RNF166: variants seen among roughly 807,000 people sequenced by gnomAD.
RNF166 encodes E3 ubiquitin-protein ligase RNF166.
In RNF166, 19 loss-of-function variants were observed where a neutral mutation model predicts 29.4. The ratio of observed to expected loss-of-function variants is 0.65; its 90% CI spans 0.45 to 0.95. RNF166 has a LOEUF of 0.95. Among genes scored for constraint, RNF166 ranks in the 40% least tolerant of loss-of-function variants. The pLI, the probability that RNF166 is intolerant of heterozygous loss-of-function variation, is 0.00. For missense variants in RNF166, 347 were observed against 322.1 expected (o/e 1.08, Z -0.59); for synonymous variants, 171 against 134.5 (o/e 1.27, Z -1.88).
intron 1 of RNF166, chr16:88,703,539 C>T: frequency 3.0e-6 from 3 of 985,412 alleles, no homozygotes; most frequent in Non-Finnish European, 3.6e-6. Context: ...CAGAACGAGG[C>T]ACCCACAGGG....
chr16:88,698,069 T>C, intron 5 of RNF166: 2 of 537,078 alleles, frequency 3.7e-6, no homozygotes, highest in Non-Finnish European at 6.6e-6. Flanking sequence ...GCACCAGGAG[T>C]GAGGAGTTTG....
intron 1 of RNF166, chr16:88,704,235 C>A (rs1910546124): frequency 3.0e-6 from 3 of 985,412 alleles, no homozygotes; most frequent in Non-Finnish European, 2.4e-6. Flanking sequence ...TGCATGCATG[C>A]CTTAGCAACA....
At chr16:88,702,547 G>C (rs1910356517) in intron 1 of RNF166, among the ~76,000 whole-genome samples, 1 of 152,192 alleles carries the variant, frequency 6.6e-6, no homozygotes, top group African/African-American at 2.4e-5. Flanking sequence ...TTTCTGCAAG[G>C]AGGAAGTCTG....
At chr16:88,702,153 C>CCCTCCTGCTGCTATTTACAACCG (rs151144464) in intron 1 of RNF166, among the ~76,000 whole-genome samples, 1 of 151,954 alleles carries the variant, frequency 6.6e-6, no homozygotes, top group Non-Finnish European at 1.5e-5. Context: ...GGCTCGCACA[C>CCCTCCTGCTGCTATTTACAACCG]CCTCCCGCTC....
intron 1 of RNF166, among the ~76,000 whole-genome samples, chr16:88,705,355 GCT>G (rs966853440): frequency 1.2e-4 from 19 of 152,170 alleles, no homozygotes; most frequent in South Asian, 1.2e-3. Flanking sequence ...AAGCCCTCCT[GCT>G]CTCTCTCTCC....
intron 5 of RNF166, chr16:88,698,014 T>C (rs1597400956): frequency 4.1e-6 from 2 of 493,758 alleles, no homozygotes; most frequent in African/African-American, 1.9e-5. Context: ...TCGCCAGGAC[T>C]GTTAGCCAGG....
chr16:88,699,025 C>A lies in RNF166; in HGVS notation c.486G>T (p.Gln162His). 6.2e-7 allele frequency: 1 copy of A among 1,610,348 alleles called. No individual in the cohort carries two copies. The change falls in exon 4 of 6, where the codon CAG becomes CAT. Residue 162 changes from glutamine (Q) to histidine (H), a missense_variant. Gln to His is a conservative substitution (Grantham distance 24, BLOSUM62 0). Coordinates refer to ENST00000312838, the MANE Select transcript of RNF166 (RefSeq NM_178841.4). ...CCACACAGTGCTTCACCAGCTCCTG[C>A]TGGTCCAGGTTGCGGGCACCACAGT... is the stretch of plus-strand genomic sequence containing the variant. ...CPYCGARNLD[Q>H]QELVKHCVES...
chr16:88,703,676 G>A, intron 1 of RNF166: 6 of 985,532 alleles, frequency 6.1e-6, no homozygotes, highest in Non-Finnish European at 7.2e-6. Flanking sequence ...CTGGTGCTGA[G>A]CAGCTTCTCA....
At chr16:88,703,091 C>T (rs35399727) in intron 1 of RNF166, 66,370 of 984,540 alleles carry the variant, frequency 0.067, 2,315 homozygotes, top group Admixed American at 0.07. Context: ...CAGTGCAGGG[C>T]AGACAGCAAG....
Position 88,697,228 on chromosome 16 carries a change from C to G in RNF166, c.*340G>C, listed in dbSNP as rs1327711737. ...CGGCTCGACTGCGGAGCGCGACTCG[C>G]GCGTCGGTCCCTTCTTCCCACGAGG... is the stretch of plus-strand genomic sequence containing the variant. On this transcript the variant is annotated 3_prime_UTR_variant, in exon 6 of 6. Coordinates refer to ENST00000312838, the MANE Select transcript of RNF166 (RefSeq NM_178841.4). 1 of 209,036 alleles carries G rather than the reference C, an allele frequency of 4.8e-6. No homozygotes were observed. Among genetic ancestry groups the G allele is most frequent in the Non-Finnish European group, 9.6e-6 (1 of 103,762 alleles). 12.9% of individuals were successfully genotyped at this position (209,036 alleles called of 1,614,324 possible).
At chr16:88,706,117 C>T in intron 1 of RNF166, 54 bp downstream of exon 1, 1 of 1,090,888 alleles carries the variant, frequency 9.2e-7, no homozygotes, top group Non-Finnish European at 1.1e-6. Context: ...CTCGCGACCC[C>T]TCCCGCGGCG....
At chr16:88,698,655 G>C (rs554755885) in intron 4 of RNF166, 46 bp from the exon 5 acceptor site, 4 of 1,410,628 alleles carry the variant, frequency 2.8e-6, no homozygotes, top group Non-Finnish European at 3.8e-6. Context: ...GCGGAGAGGC[G>C]GGGTAGCCGC....
intron 1 of RNF166, chr16:88,703,116 G>A: frequency 1.0e-6 from 1 of 985,564 alleles, no homozygotes; most frequent in African/African-American, 1.7e-5. Context: ...TCCCACCCGT[G>A]TCGTGGGGGT....
In RNF166 at chr16:88,697,321, C is replaced by T. The variant is rs777345741; in HGVS notation, c.*247G>A. The T allele has an allele frequency of 5.9e-5, 24 of 403,634 alleles. No individual in the cohort carries two copies. Among genetic ancestry groups the T allele is most frequent in the Non-Finnish European group, 8.6e-5 (19 of 221,098 alleles). 25.0% of individuals were successfully genotyped at this position (403,634 alleles called of 1,614,324 possible). A position where few individuals can be genotyped will look rare whatever the true frequency, so the allele number is the denominator to read the frequency against. ...AGCGTCCAGCCCTGCCCAAGTAGGCCGCCTGCTCGGCCAGAAGCACCGAAG... is the reference window on the plus strand; with the variant it reads ...AGCGTCCAGCCCTGCCCAAGTAGGCTGCCTGCTCGGCCAGAAGCACCGAAG... On this transcript the variant is annotated 3_prime_UTR_variant, in exon 6 of 6. Coordinates refer to ENST00000312838, the MANE Select transcript of RNF166 (RefSeq NM_178841.4).
intron 2 of RNF166, chr16:88,700,923 T>A: frequency 8.6e-7 from 1 of 1,161,612 alleles, no homozygotes; most frequent in South Asian, 1.9e-5. Flanking sequence ...GTCCCCGGTA[T>A]CGGCTGGCAG....
At position 88,697,013 on chromosome 16, in the gene RNF166, C is replaced by G. The variant is rs551587646; in HGVS notation, c.*555G>C. 3 of 192,746 alleles carry G rather than the reference C, an allele frequency of 1.6e-5. No individual in the cohort carries two copies. The South Asian group carries it at 2.4e-4, about 15-fold the overall frequency. The allele number at this position is 192,746 out of a possible 1,614,324, so 11.9% of individuals were successfully genotyped here. A position where few individuals can be genotyped will look rare whatever the true frequency, so the allele number is the denominator to read the frequency against. The stretch of plus-strand genomic sequence containing the variant: ...AAAAATACTATTATTCCTAGTCAAA[C>G]ACAGATATTGCAATATGAAGAGTAA... On this transcript the variant is annotated 3_prime_UTR_variant, in exon 6 of 6. Transcript: ENST00000312838.
intron 1 of RNF166, chr16:88,703,512 G>A: frequency 2.0e-6 from 2 of 985,380 alleles, no homozygotes; most frequent in Non-Finnish European, 2.4e-6. Context: ...GGGCGGCTGG[G>A]CCCGAGGAGC....
intron 1 of RNF166, chr16:88,703,009 G>A: frequency 1.0e-6 from 1 of 985,370 alleles, no homozygotes; most frequent in Non-Finnish European, 1.2e-6. Flanking sequence ...GGCGTGGCGT[G>A]CACACCCATG....
chr16:88,703,443 C>CCTCGT, intron 1 of RNF166: 1 of 985,460 alleles, frequency 1.0e-6, no homozygotes, highest in Admixed American at 6.1e-5. Context: ...AGGAAGACAG[C>CCTCGT]CTCGTCCTCC....
Sources: allele counts gnomAD v4.1 joint callset (sites outside exome capture counted in the v4.1 genomes callset), GRCh38; gene constraint gnomAD v4.1.1; transcripts MANE v1.5; gene names NCBI Gene and HGNC (gene_info 2026-07-23, HGNC 2026-07-21).